The following CADM3 variants were observed in gnomAD, a reference collection of about 807,000 sequenced individuals.
CADM3 encodes TSLC1-like 1.
CADM3 carries 11 observed loss-of-function variants against 44.9 expected under a neutral mutation model. That is an observed-to-expected ratio of 0.25 (90% CI 0.15 to 0.41). The LOEUF is 0.41. Among genes scored for constraint, CADM3 ranks in the 10% least tolerant of loss-of-function variants. The pLI, the probability that CADM3 is intolerant of heterozygous loss-of-function variation, is 1.00. For missense variants in CADM3, 426 were observed against 512.0 expected (o/e 0.83, Z 1.62); for synonymous variants, 207 against 205.2 (o/e 1.01, Z -0.08).
In CADM3 at chr1:159,193,557, C is replaced by T; in HGVS notation, c.517C>T (p.His173Tyr). The change falls in exon 4 of 9, where the codon CAC (histidine) becomes TAC (tyrosine). Residue 173 changes from histidine (H) to tyrosine (Y), a missense_variant. His to Tyr is a moderately conservative substitution (Grantham distance 83). Coordinates refer to ENST00000368125, the MANE Select transcript of CADM3 (RefSeq NM_001127173.3). ...LTWRKGDQELHGEPTRIQEDP... is the reference protein window; with the variant it reads ...LTWRKGDQELYGEPTRIQEDP... Reference sequence around the variant, plus strand: ...CTGGAGAAAGGGTGACCAAGAACTCCACGGTGAGTACCTCCTGCCTTGGGG... The same window carrying T: ...CTGGAGAAAGGGTGACCAAGAACTCTACGGTGAGTACCTCCTGCCTTGGGG... The T allele has an allele frequency of 6.2e-7, 1 of 1,614,146 alleles. No individual in the cohort carries two copies. Among genetic ancestry groups the T allele is most frequent in the East Asian group, 2.2e-5 (1 of 44,882 alleles).
chr1:159,171,820 T>A lies in CADM3; in HGVS notation c.55T>A (p.Trp19Arg), dbSNP rs1648816477. 1 of 1,246,772 alleles carries A rather than the reference T, an allele frequency of 8.0e-7. No individual in the cohort carries two copies. The highest frequency in any genetic ancestry group is 4.0e-5 in the Admixed American group (1 of 25,066). 77.2% of individuals were successfully genotyped at this position (1,246,772 alleles called of 1,614,324 possible). ...CCTGCTCCTGCTGTTCGCCTGCTGCTGGGCGCCCGGCGGGGCCAACCTCTC... is the reference window on the plus strand; with the variant it reads ...CCTGCTCCTGCTGTTCGCCTGCTGCAGGGCGCCCGGCGGGGCCAACCTCTC... Reference protein sequence around the residue: ...LLLLLLFACCWAPGGANLSQD... With the variant: ...LLLLLLFACCRAPGGANLSQD... Residue 19 changes from tryptophan to arginine, a missense_variant, in exon 1 of 9, where the codon TGG (tryptophan) becomes AGG (arginine). Around this residue, in one of 2 missense-constraint regions of CADM3, gnomAD observed 64 missense variants for 37.4 expected, o/e 1.71. Transcript: ENST00000368125.
chr1:159,186,225 C>G (rs557341641), intron 1 of CADM3, among the ~76,000 whole-genome samples: 2 of 152,244 alleles, frequency 1.3e-5, no homozygotes, highest in African/African-American at 4.8e-5. Context: ...AGAGAAAACA[C>G]AAAACTGAAA....
At chr1:159,187,871 C>G (rs905712064) in intron 1 of CADM3, among the ~76,000 whole-genome samples, 3 of 152,050 alleles carry the variant, frequency 2.0e-5, no homozygotes, top group African/African-American at 7.2e-5. Flanking sequence ...GTGTGGGGCA[C>G]TCAGGGAGAG....
At chr1:159,194,288 C>T (rs1054124883) in intron 5 of CADM3, 8 of 417,554 alleles carry the variant, frequency 1.9e-5, no homozygotes, top group South Asian at 1.6e-4. Flanking sequence ...GTTGTAGGGA[C>T]GCAGTCATAG....
At chr1:159,196,221 G>A (rs981273206) in intron 5 of CADM3, 143 bp from the exon 6 acceptor site, 4 of 617,348 alleles carry the variant, frequency 6.5e-6, no homozygotes, top group Non-Finnish European at 1.2e-5. Flanking sequence ...CCTTGTTCAT[G>A]AGAAGTAGGA....
intron 1 of CADM3, among the ~76,000 whole-genome samples, chr1:159,185,575 C>G (rs777439015): frequency 7.2e-5 from 11 of 152,172 alleles, no homozygotes; most frequent in Non-Finnish European, 1.6e-4. Flanking sequence ...GTAATAATAT[C>G]TAGCTATTAA....
intron 1 of CADM3, chr1:159,189,675 A>G: frequency 3.3e-6 from 3 of 919,652 alleles, no homozygotes; most frequent in Non-Finnish European, 5.1e-6. Flanking sequence ...TTTCACAGGG[A>G]CCTAGCCTTT....
chr1:159,173,593 G>A lies in CADM3; in HGVS notation c.88+1740G>A, dbSNP rs1388185117. Among the ~76,000 whole-genome samples the A allele has an allele frequency of 3.3e-5, 5 of 152,294 alleles. No homozygotes were observed. The East Asian group carries it at 7.7e-4, about 24-fold the overall frequency. ...AGGAGCTGAAGGGAGTCCTTGGGGA[G>A]AGCAGGCTAAGTGCACGACAGAGAG... is the stretch of plus-strand genomic sequence containing the variant. On this transcript the variant is annotated intron_variant, in intron 1 of 8. Transcript: ENST00000368125.
intron 1 of CADM3, among the ~76,000 whole-genome samples, chr1:159,172,717 A>G (rs2102084857): frequency 6.6e-6 from 1 of 152,160 alleles, no homozygotes; most frequent in Admixed American, 6.5e-5. Flanking sequence ...CTGGAACTCA[A>G]ACCTTCGCTG....
At chr1:159,180,497 G>A (rs1649186578) in intron 1 of CADM3, among the ~76,000 whole-genome samples, 1 of 152,144 alleles carries the variant, frequency 6.6e-6, no homozygotes, top group Non-Finnish European at 1.5e-5. Context: ...GGACTTGGGA[G>A]AATGTATCTA....
chr1:159,176,430 A>C (rs1323980804), intron 1 of CADM3, among the ~76,000 whole-genome samples: 2 of 152,230 alleles, frequency 1.3e-5, no homozygotes, highest in Non-Finnish European at 2.9e-5. Context: ...GAGAGAAACA[A>C]ACCATCAGAA....
rs1173472031 is a variant in CADM3 at position 159,193,293 on chromosome 1, T to C, written c.383-130T>C. ...GGAGATCAAAAAGAAAGATGATTTATCTAGTCTTCTACCCATCAGAAATTA... is the reference window on the plus strand; with the variant it reads ...GGAGATCAAAAAGAAAGATGATTTACCTAGTCTTCTACCCATCAGAAATTA... On this transcript the variant is annotated intron_variant, in intron 3 of 8. Coordinates refer to ENST00000368125, the MANE Select transcript of CADM3 (RefSeq NM_001127173.3). The C allele has an allele frequency of 1.5e-5, 15 of 989,124 alleles. 1 individual carries two copies. In the South Asian group the frequency reaches 2.5e-4, roughly 17 times the overall value. The allele number at this position is 989,124 out of a possible 1,614,324, so 61.3% of individuals were successfully genotyped here. A position where few individuals can be genotyped will look rare whatever the true frequency, so the allele number is the denominator to read the frequency against.
intron 1 of CADM3, 98 bp from the exon 2 acceptor site, chr1:159,191,838 G>A: frequency 8.4e-6 from 12 of 1,428,894 alleles, no homozygotes; most frequent in Non-Finnish European, 1.2e-5. Context: ...GTACACAAGG[G>A]CCTTGGATGG....
chr1:159,187,385 A>G (rs1328121563), intron 1 of CADM3, among the ~76,000 whole-genome samples: 1 of 152,234 alleles, frequency 6.6e-6, no homozygotes, highest in Non-Finnish European at 1.5e-5. Context: ...TAAGAAACAC[A>G]GAATGTCAAA....
intron 1 of CADM3, chr1:159,189,638 T>C: frequency 1.5e-6 from 1 of 670,266 alleles, no homozygotes; most frequent in Non-Finnish European, 2.6e-6. Flanking sequence ...AACCCTACCT[T>C]CTCTTAGGTA....
chr1:159,172,273 G>T (rs987624628), intron 1 of CADM3, among the ~76,000 whole-genome samples: 2 of 152,058 alleles, frequency 1.3e-5, no homozygotes, highest in African/African-American at 4.8e-5. Flanking sequence ...CAGTCAGGGC[G>T]TGTGTCGGGT....
rs186264044 is a variant in CADM3 at position 159,186,536 on chromosome 1, T to C, written c.89-5400T>C. Among the ~76,000 whole-genome samples, 201 of 152,322 alleles carry C rather than the reference T, an allele frequency of 1.3e-3. 7 individuals are homozygous for C. The East Asian group carries it at 0.036, about 27-fold the overall frequency. ...AGTCTGCATTCATTGAGAGAATTCATGCTGATGTCATAAATGACTGACACA... is the reference window on the plus strand; with the variant it reads ...AGTCTGCATTCATTGAGAGAATTCACGCTGATGTCATAAATGACTGACACA... On this transcript the variant is annotated intron_variant, in intron 1 of 8. Coordinates refer to ENST00000368125, the MANE Select transcript of CADM3 (RefSeq NM_001127173.3).
intron 1 of CADM3, among the ~76,000 whole-genome samples, chr1:159,177,308 A>G (rs149882596): frequency 1.0e-3 from 158 of 152,310 alleles, no homozygotes; most frequent in Middle Eastern, 6.8e-3. Flanking sequence ...GAGGCCTTAT[A>G]GAGCAAGTGA....
Position 159,199,911 on chromosome 1 carries a change from G to A in CADM3, c.1078+35G>A, listed in dbSNP as rs776129762. ...ACAAAGAGAGCATCAGCAGAACTTG[G>A]GAGGGGCAGGGAGACCAATCAGAGG... On this transcript the variant is annotated intron_variant, in intron 8 of 8. Transcript: ENST00000368125. 1.3e-4 allele frequency: 210 copies of A among 1,605,126 alleles called. 1 individual carries two copies. Among genetic ancestry groups the A allele is most frequent in the Non-Finnish European group, 1.6e-4 (191 of 1,175,454 alleles).
Sources: gnomAD v4.1 joint callset for allele counts (sites outside exome capture counted in the v4.1 genomes callset) on GRCh38, gnomAD v4.1.1 for gene constraint, gnomAD v4.1.1 regional missense constraint, MANE v1.5 for transcripts, NCBI Gene and HGNC (gene_info 2026-07-23, HGNC 2026-07-21) for gene names.